Variants in KCNQ1 observed in about 807,000 individuals in gnomAD.
KCNQ1 encodes the protein potassium voltage-gated channel subfamily KQT member 1.
Under a neutral mutation model 72.4 loss-of-function variants are expected in KCNQ1, and 49 were observed. The observed-to-expected ratio is 0.68, with a 90% CI of 0.54 to 0.86. KCNQ1 has a LOEUF of 0.86. KCNQ1 is among the 40% of genes least tolerant of loss of function. The probability of loss-of-function intolerance (pLI) is 0.00; values close to 1 mark genes in which losing one functional copy is unlikely to be tolerated. For missense variants in KCNQ1, 790 were observed against 945.1 expected (o/e 0.84, Z 2.15); for synonymous variants, 450 against 412.6 (o/e 1.09, Z -1.10).
chr11:2,733,506 A>T (rs2133943207), intron 11 of KCNQ1, among the ~76,000 whole-genome samples: 2 of 151,598 alleles, frequency 1.3e-5, no homozygotes, highest in South Asian at 4.2e-4. Flanking sequence ...AGTGAGGGGG[A>T]CTCATTCTAG....
At chr11:2,660,708 A>C in intron 10 of KCNQ1, 1 of 398,658 alleles carries the variant, frequency 2.5e-6, no homozygotes, top group Non-Finnish European at 4.4e-6. Context: ...GACAACCTTC[A>C]TTCGGGCTTC....
intron 14 of KCNQ1, among the ~76,000 whole-genome samples, chr11:2,777,309 T>G (rs1846725632): frequency 6.6e-6 from 1 of 150,412 alleles, no homozygotes; most frequent in African/African-American, 2.4e-5. Flanking sequence ...TGTGGAAACA[T>G]GAACCCAGGG....
chr11:2,725,187 C>T lies in KCNQ1; in HGVS notation c.1515-43657C>T, dbSNP rs747346099. ...TCCTGACGTGGAGACAGGAGGAAGCCGACGGCCATCTGTGCTCAGACCCAG... is the reference window on the plus strand; with the variant it reads ...TCCTGACGTGGAGACAGGAGGAAGCTGACGGCCATCTGTGCTCAGACCCAG... On this transcript the variant is annotated intron_variant, in intron 11 of 15. Coordinates refer to ENST00000155840, the MANE Select transcript of KCNQ1 (RefSeq NM_000218.3). The surrounding 1 kb of genome is among the most constrained non-coding windows in gnomAD (Gnocchi z 7.2). Among the ~76,000 whole-genome samples the T allele has an allele frequency of 2.3e-4, 35 of 152,296 alleles. No individual in the cohort carries two copies. The highest frequency in any genetic ancestry group is 3.4e-3 in the Middle Eastern group (1 of 294).
At chr11:2,546,027 C>T (rs11023250) in intron 2 of KCNQ1, among the ~76,000 whole-genome samples, 43,875 of 151,576 alleles carry the variant, frequency 0.29, 7,768 homozygotes, top group African/African-American at 0.5. Context: ...TTTATTCTGC[C>T]TACTTAGTTT....
rs1404220184 is a variant in KCNQ1, at chr11:2,651,637, G to A, written c.1394-10324G>A. On this transcript the variant is annotated intron_variant, in intron 10 of 15. Transcript: ENST00000155840. The surrounding 1 kb of genome is among the most constrained non-coding windows in gnomAD (Gnocchi z 6.1). ...TGCTGATCTGCCTGCCCCACCTGGG[G>A]TCTCTGTCTCTCCCACAGCTCACTG... The A allele has an allele frequency of 2.5e-6, 1 of 398,680 alleles. No individual in the cohort carries two copies. Among genetic ancestry groups the A allele is most frequent in the Non-Finnish European group, 4.4e-6 (1 of 226,106 alleles). The allele number at this position is 398,680 out of a possible 1,614,324, so 24.7% of individuals were successfully genotyped here. A position where few individuals can be genotyped will look rare whatever the true frequency, so the allele number is the denominator to read the frequency against.
chr11:2,591,631 C>T (rs982567429), intron 10 of KCNQ1, among the ~76,000 whole-genome samples: 7 of 152,224 alleles, frequency 4.6e-5, no homozygotes, highest in Admixed American at 2.6e-4. Context: ...TTGCTGAATG[C>T]GGGGCAGCCC....
chr11:2,456,659 C>T (rs549758173), intron 1 of KCNQ1, among the ~76,000 whole-genome samples: 149 of 150,932 alleles, frequency 9.9e-4, no homozygotes, highest in Middle Eastern at 6.8e-3. Flanking sequence ...CGGTGGCTCA[C>T]GCCTGTAATC....
intron 1 of KCNQ1, among the ~76,000 whole-genome samples, chr11:2,474,074 A>C (rs769232606): frequency 6.6e-6 from 1 of 152,166 alleles, no homozygotes; most frequent in Non-Finnish European, 1.5e-5. Context: ...GTCTCTCCAC[A>C]CATCACCCAG....
chr11:2,571,526 C>A, intron 4 of KCNQ1, 123 bp downstream of exon 4: 1 of 795,258 alleles, frequency 1.3e-6, no homozygotes, highest in African/African-American at 1.7e-5. Context: ...TGCCCACTGC[C>A]CCCGGGGGCA....
chr11:2,471,782 T>G lies in KCNQ1; in HGVS notation c.386+26298T>G, dbSNP rs1467751735. 3.4e-5 allele frequency among the ~76,000 whole-genome samples: 5 copies of G among 147,216 alleles called. No individual in the cohort carries two copies. Among genetic ancestry groups the G allele is most frequent in the Non-Finnish European group, 7.5e-5 (5 of 66,928 alleles). On this transcript the variant is annotated intron_variant, in intron 1 of 15. Transcript: ENST00000155840. This position sits in a 1 kb window ranked among gnomAD's most constrained non-coding sequence, Gnocchi z 4.8. ...CTTGTGTATGGGTGTGTGCATGTGA[T>G]TGGGTGTGTGCATGTGTATATAGGT...
At chr11:2,605,952 C>G (rs888256757) in intron 10 of KCNQ1, among the ~76,000 whole-genome samples, 1 of 152,122 alleles carries the variant, frequency 6.6e-6, no homozygotes, top group Non-Finnish European at 1.5e-5. Flanking sequence ...TCTTTTCTTT[C>G]AACAATGTTT....
At chr11:2,700,672 G>A (rs946007448) in intron 11 of KCNQ1, among the ~76,000 whole-genome samples, 3 of 152,090 alleles carry the variant, frequency 2.0e-5, no homozygotes, top group African/African-American at 7.2e-5. Flanking sequence ...CAGGGGGTGA[G>A]TGGCAGGGGT....
At position 2,674,392 on chromosome 11, in the gene KCNQ1, C is replaced by A. The variant is rs530132064; in HGVS notation, c.1514+12311C>A. The stretch of plus-strand genomic sequence containing the variant: ...GCTTCCTGCTTAGGGAAGGTGCATG[C>A]GTGCGTGTGTGTGTGCGCGCCCGCG... On this transcript the variant is annotated intron_variant, in intron 11 of 15. Coordinates refer to ENST00000155840, the MANE Select transcript of KCNQ1 (RefSeq NM_000218.3). The surrounding 1 kb of genome is among the most constrained non-coding windows in gnomAD (Gnocchi z 5.9). The A allele has an allele frequency of 5.4e-5, 8 of 148,186 alleles. No homozygotes were observed. Among genetic ancestry groups the A allele is most frequent in the Admixed American group, 4.1e-4 (6 of 14,666 alleles). 9.2% of individuals were successfully genotyped at this position (148,186 alleles called of 1,614,324 possible). A position where few individuals can be genotyped will look rare whatever the true frequency, so the allele number is the denominator to read the frequency against.
intron 11 of KCNQ1, among the ~76,000 whole-genome samples, chr11:2,719,034 G>C (rs1160957049): frequency 1.3e-5 from 2 of 152,218 alleles, no homozygotes; most frequent in Non-Finnish European, 2.9e-5. Flanking sequence ...CTACGCTTGT[G>C]ACCCCCCTCC....
chr11:2,793,215 A>G (rs61869764), intron 15 of KCNQ1, among the ~76,000 whole-genome samples: 29,322 of 152,178 alleles, frequency 0.19, 3,032 homozygotes, highest in South Asian at 0.26. Context: ...TCTTGTTCTA[A>G]GGCTCTGTGA....
chr11:2,570,363 C>G (rs1439000939), intron 2 of KCNQ1, among the ~76,000 whole-genome samples: 1 of 152,232 alleles, frequency 6.6e-6, no homozygotes, highest in African/African-American at 2.4e-5. Context: ...TGGTGTGGGG[C>G]CTCCTCTGGC....
rs1848980801 is a variant in KCNQ1, at chr11:2,611,596, A to G, written c.1393+22742A>G. The G allele has an allele frequency of 7.5e-6, 3 of 398,282 alleles. No homozygotes were observed. Among genetic ancestry groups the G allele is most frequent in the South Asian group, 1.3e-4 (1 of 7,836 alleles). The allele number at this position is 398,282 out of a possible 1,614,324, so 24.7% of individuals were successfully genotyped here. A position where few individuals can be genotyped will look rare whatever the true frequency, so the allele number is the denominator to read the frequency against. On this transcript the variant is annotated intron_variant, in intron 10 of 15. Transcript: ENST00000155840. This position sits in a 1 kb window ranked among gnomAD's most constrained non-coding sequence, Gnocchi z 5.3. ...TTTTTCCATCATTTTACTTTCAACT[A>G]TGTCTTTGAATCTAGAATGTGACTC... is the stretch of plus-strand genomic sequence containing the variant.
At chr11:2,465,184 G>A (rs987665878) in intron 1 of KCNQ1, among the ~76,000 whole-genome samples, 1 of 151,962 alleles carries the variant, frequency 6.6e-6, no homozygotes, top group Non-Finnish European at 1.5e-5. Flanking sequence ...TTTTGAAGCA[G>A]GGTCTCACTC....
chr11:2,646,567 C>T (rs892176128), intron 10 of KCNQ1: 5 of 398,428 alleles, frequency 1.3e-5, no homozygotes, highest in African/African-American at 1.0e-4. Flanking sequence ...ACTCTGTTGC[C>T]CAGGCTGGGG....
Sources: gnomAD v4.1 joint callset for allele counts (sites outside exome capture counted in the v4.1 genomes callset) on GRCh38, gnomAD v4.1.1 for gene constraint, Gnocchi (gnomAD v3.1) non-coding constraint, MANE v1.5 for transcripts, NCBI Gene and HGNC (gene_info 2026-07-23, HGNC 2026-07-21) for gene names.